KLF7: variants seen among roughly 807,000 people sequenced by gnomAD.
KLF7 encodes the protein Krueppel-like factor 7.
In KLF7, 2 loss-of-function variants were observed where a neutral mutation model predicts 27.3. That is an observed-to-expected ratio of 0.07 (90% CI 0.03 to 0.23). KLF7 has a LOEUF of 0.23. Among genes scored for constraint, KLF7 ranks in the 10% least tolerant of loss-of-function variants. The pLI, the probability that KLF7 is intolerant of heterozygous loss-of-function variation, is 1.00. For missense variants in KLF7, 221 were observed against 394.1 expected, an observed-to-expected ratio of 0.56 and a Z score of 3.72; for synonymous variants, 165 against 162.4, an observed-to-expected ratio of 1.02 and a Z score of -0.12.
intron 1 of KLF7, among the ~76,000 whole-genome samples, chr2:207,124,675 C>T (rs2077433602): frequency 6.6e-6 from 1 of 152,196 alleles, no homozygotes; most frequent in Non-Finnish European, 1.5e-5. Context: ...TTCCAGAGAA[C>T]ATCAAATGAT....
chr2:207,090,598 C>T (rs368855649), intron 2 of KLF7, among the ~76,000 whole-genome samples: 2 of 152,154 alleles, frequency 1.3e-5, no homozygotes, highest in South Asian at 2.1e-4. Context: ...GCCCTGAAAT[C>T]GCTGTCAATA....
intron 1 of KLF7, among the ~76,000 whole-genome samples, chr2:207,143,741 C>T (rs2078011729): frequency 6.6e-6 from 1 of 152,178 alleles, no homozygotes; most frequent in African/African-American, 2.4e-5. Context: ...TCAGCGAGGG[C>T]TCCAGGGCAA....
rs376571122 is a variant in KLF7, at chr2:207,124,273, G to T, written c.234C>A (p.Asp78Glu). ...PCIEESFRRL[D>E]PLLLPVEAAI... ...CCGCTTCCACGGGGAGCAGCAGGGG[G>T]TCTAAGCGACGGAAGCTTTCCTCAA... Residue 78 changes from aspartate to glutamate, a missense_variant, in exon 2 of 4, where the codon GAC becomes GAA. Coordinates refer to ENST00000309446, the MANE Select transcript of KLF7 (RefSeq NM_003709.4). 2 of 1,614,120 alleles carry T rather than the reference G, an allele frequency of 1.2e-6. No homozygotes were observed. Among genetic ancestry groups the T allele is most frequent in the Non-Finnish European group, 1.7e-6 (2 of 1,180,006 alleles).
chr2:207,098,618 C>CTATTAT (rs71034501), intron 2 of KLF7, among the ~76,000 whole-genome samples: 99,101 of 148,842 alleles, frequency 0.67, 33,549 homozygotes, highest in African/African-American at 0.77. Context: ...AATGACCAAG[C>CTATTAT]TATTATTATT....
At chr2:207,128,067 CA>C (rs1422749446) in intron 1 of KLF7, among the ~76,000 whole-genome samples, 1 of 152,112 alleles carries the variant, frequency 6.6e-6, no homozygotes, top group African/African-American at 2.4e-5. Context: ...TTCTAAATAT[CA>C]TTATCCAATA....
intron 1 of KLF7, among the ~76,000 whole-genome samples, chr2:207,157,895 G>C (rs1477802327): frequency 6.6e-6 from 1 of 152,168 alleles, no homozygotes; most frequent in Admixed American, 6.5e-5. Flanking sequence ...AAAAGAAATA[G>C]GGAAGCCAGG....
rs1177546038 is a variant in KLF7 at position 207,159,098 on chromosome 2, G to T, written c.102+6369C>A. ...GTTCCTCGCTTTGGTACAAGGCTGAGAACCTGACTTTCAAAATGACCCTCA... is the reference window on the plus strand; with the variant it reads ...GTTCCTCGCTTTGGTACAAGGCTGATAACCTGACTTTCAAAATGACCCTCA... On this transcript the variant is annotated intron_variant, in intron 1 of 3. Transcript: ENST00000309446. 3.3e-5 allele frequency among the ~76,000 whole-genome samples: 5 copies of T among 152,218 alleles called. No individual in the cohort carries two copies. The East Asian group carries it at 9.6e-4, about 29-fold the overall frequency.
intron 2 of KLF7, among the ~76,000 whole-genome samples, chr2:207,095,621 A>G (rs1225296247): frequency 6.6e-6 from 1 of 152,236 alleles, no homozygotes; most frequent in Non-Finnish European, 1.5e-5. Flanking sequence ...GTAACTAAAA[A>G]ACTGAACTTT....
At chr2:207,130,207 G>A (rs1392093839) in intron 1 of KLF7, among the ~76,000 whole-genome samples, 2 of 151,790 alleles carry the variant, frequency 1.3e-5, no homozygotes, top group East Asian at 1.9e-4. Flanking sequence ...TCTTCCTTTC[G>A]CCTTCCCTCC....
At chr2:207,165,360 A>G (rs925617085) in intron 1 of KLF7, 107 bp downstream of exon 1, 6 of 1,500,336 alleles carry the variant, frequency 4.0e-6, no homozygotes, top group South Asian at 1.2e-5. Flanking sequence ...AGGAAGAAAA[A>G]AAAGTCAAAC....
At chr2:207,118,666 T>G (rs2077255000) in intron 2 of KLF7, among the ~76,000 whole-genome samples, 1 of 152,242 alleles carries the variant, frequency 6.6e-6, no homozygotes, top group African/African-American at 2.4e-5. Context: ...GGTCTCATTT[T>G]CCTCATCTAT....
intron 1 of KLF7, among the ~76,000 whole-genome samples, chr2:207,133,745 G>C (rs1042695049): frequency 3.9e-5 from 6 of 151,900 alleles, no homozygotes; most frequent in African/African-American, 2.4e-5. Flanking sequence ...AAGAGGGGGA[G>C]GGGGGGAGCC....
intron 2 of KLF7, among the ~76,000 whole-genome samples, chr2:207,118,671 A>C (rs572630255): frequency 6.6e-6 from 1 of 152,208 alleles, no homozygotes; most frequent in African/African-American, 2.4e-5. Flanking sequence ...CATTTTCCTC[A>C]TCTATAAAAT....
Position 207,080,504 on chromosome 2 carries a change from C to T in KLF7, c.*709G>A, listed in dbSNP as rs2076247902. ...AGAGTGAAGTCTACAGAAATGCAGG[C>T]CAGAAAGGTGTAAGGTGTTATTCCA... is the stretch of plus-strand genomic sequence containing the variant. On this transcript the variant is annotated 3_prime_UTR_variant, in exon 4 of 4. Coordinates refer to ENST00000309446, the MANE Select transcript of KLF7 (RefSeq NM_003709.4). The T allele has an allele frequency of 1.3e-5, 3 of 231,638 alleles. No individual in the cohort carries two copies. In the Admixed American group the frequency reaches 1.7e-4, roughly 13 times the overall value. 14.3% of individuals were successfully genotyped at this position (231,638 alleles called of 1,614,324 possible).
At chr2:207,115,395 C>T (rs748479249) in intron 2 of KLF7, among the ~76,000 whole-genome samples, 3 of 152,170 alleles carry the variant, frequency 2.0e-5, no homozygotes, top group Non-Finnish European at 4.4e-5. Context: ...GCATGCTAAG[C>T]TTATTCTCAT....
At chr2:207,173,568 A>G in the KLF7 span, 2 of 152,012 alleles carry the variant, frequency 1.3e-5, no homozygotes, top group African/African-American at 4.8e-5. Context: ...AGACATCCCA[A>G]TCTTGCCACT....
intron 1 of KLF7, among the ~76,000 whole-genome samples, chr2:207,157,514 A>G (rs1335739922): frequency 6.6e-6 from 1 of 152,232 alleles, no homozygotes; most frequent in East Asian, 1.9e-4. Flanking sequence ...ACTACATGTG[A>G]AAAGGGGGGA....
chr2:207,121,327 C>T (rs1233108479), intron 2 of KLF7, among the ~76,000 whole-genome samples: 2 of 152,206 alleles, frequency 1.3e-5, no homozygotes, highest in African/African-American at 4.8e-5. Flanking sequence ...TGTTTTATCA[C>T]TCAGTCATCA....
chr2:207,088,517 G>T lies in KLF7; in HGVS notation c.798C>A (p.Leu266=). 1 of 1,614,056 alleles carries T rather than the reference G, an allele frequency of 6.2e-7. No individual in the cohort carries two copies. The highest frequency in any genetic ancestry group is 8.5e-7 in the Non-Finnish European group (1 of 1,179,964). ...CTGTGTGTTTCCTGTAGTGCCTCGT[G>T]AGCTCATCGCTTCGTGCAAAACGCC... ...CEWRFARSDE[L]TRHYRKHTGA... The change falls in exon 3 of 4, where the codon CTC becomes CTA. Residue 266 remains leucine (L), a synonymous_variant. Coordinates refer to ENST00000309446, the MANE Select transcript of KLF7 (RefSeq NM_003709.4).
Sources: gnomAD v4.1 joint callset for allele counts (sites outside exome capture counted in the v4.1 genomes callset) on GRCh38, gnomAD v4.1.1 for gene constraint, MANE v1.5 for transcripts, NCBI Gene and HGNC (gene_info 2026-07-23, HGNC 2026-07-21) for gene names.